The following SOS2 variants were observed in gnomAD, a reference collection of about 807,000 sequenced individuals.
SOS2 encodes SOS Ras/Rho guanine nucleotide exchange factor 2.
SOS2 carries 65 observed loss-of-function variants against 148.2 expected under a neutral mutation model. The ratio of observed to expected loss-of-function variants is 0.44; its 90% confidence interval spans 0.36 to 0.54. SOS2 has a LOEUF of 0.54. SOS2 is among the 20% of genes least tolerant of loss of function. The pLI is 0.00. For missense variants in SOS2, 1,341 were observed against 1,590.2 expected (o/e 0.84, Z 2.67); for synonymous variants, 539 against 537.1 (o/e 1.00, Z -0.05).
chr14:50,159,107 G>A (rs544519060), intron 10 of SOS2, among the ~76,000 whole-genome samples: 3 of 151,930 alleles, frequency 2.0e-5, no homozygotes, highest in Non-Finnish European at 2.9e-5. Flanking sequence ...GGAGAATGGC[G>A]TGAACCCAGG....
In SOS2 at chr14:50,145,551, T is replaced by A. The variant is rs1048519981; in HGVS notation, c.2430A>T (p.Glu810Asp). Residue 810 changes from glutamate (E) to aspartate (D), a missense_variant, in exon 15 of 23, where the codon GAA becomes GAT. Around this residue, in one of 4 missense-constraint regions of SOS2, gnomAD observed 408 missense variants for 506.6 expected, o/e 0.81. Coordinates refer to ENST00000216373, the MANE Select transcript of SOS2 (RefSeq NM_006939.4). ...SELVGSVWTK[E>D]DKEINSPNLL... ...AATTTGGAGAATTTATTTCTTTATC[T>A]TCTTTGGTCCACACACTCCCTACAA... 1 of 1,610,966 alleles carries A rather than the reference T, an allele frequency of 6.2e-7. No homozygotes were observed. Among genetic ancestry groups the A allele is most frequent in the African/African-American group, 1.3e-5 (1 of 74,792 alleles).
chr14:50,135,642 CTTTTT>C (rs56043962), intron 18 of SOS2, among the ~76,000 whole-genome samples: 1 of 82,566 alleles, frequency 1.2e-5, no homozygotes, highest in Non-Finnish European at 2.2e-5. Context: ...ATGTGGTTTG[CTTTTT>C]TTTTTTTTTT....
chr14:50,161,295 CAAA>C (rs113097888), intron 9 of SOS2, among the ~76,000 whole-genome samples, 184 bp downstream of exon 9: 3 of 85,116 alleles, frequency 3.5e-5, no homozygotes, highest in Admixed American at 1.3e-4. Flanking sequence ...GACTCCTTCT[CAAA>C]AAAAAAAAAA....
Position 50,138,190 on chromosome 14 carries a change from T to G in SOS2, c.2958+422A>C, listed in dbSNP as rs111341825. Among the ~76,000 whole-genome samples the G allele has an allele frequency of 2.6e-3, 390 of 151,756 alleles. 2 individuals are homozygous for G. Among genetic ancestry groups the G allele is most frequent in the African/African-American group, 8.7e-3 (361 of 41,310 alleles). ...TATTATTTTGAGACAGAAGTCTTAC[T>G]GTGTCACCCAGGCTGGAGTGCAGTG... On this transcript the variant is annotated intron_variant, in intron 18 of 22. Transcript: ENST00000216373.
Position 50,117,694 on chromosome 14 carries a change from C to T in SOS2, c.*650G>A, listed in dbSNP as rs1250047873. The T allele has an allele frequency of 6.6e-6, 1 of 152,248 alleles. No homozygotes were observed. The highest frequency in any genetic ancestry group is 2.4e-5 in the African/African-American group (1 of 41,464). 9.4% of individuals were successfully genotyped at this position (152,248 alleles called of 1,614,324 possible). On this transcript the variant is annotated 3_prime_UTR_variant, in exon 23 of 23. Coordinates refer to ENST00000216373, the MANE Select transcript of SOS2 (RefSeq NM_006939.4). ...ACAAAAGGCACATCTGAATGAGATA[C>T]ATGCCCTTTTTCCCTCCATCATTGG...
chr14:50,204,551 G>T lies in SOS2; in HGVS notation c.88-142C>A, dbSNP rs148637943. 6.5e-3 allele frequency: 3,692 copies of T among 567,450 alleles called. 23 individuals are homozygous for T. Among genetic ancestry groups the T allele is most frequent in the Non-Finnish European group, 8.0e-3 (2,677 of 333,780 alleles). 35.2% of individuals were successfully genotyped at this position (567,450 alleles called of 1,614,324 possible). A position where few individuals can be genotyped will look rare whatever the true frequency, so the allele number is the denominator to read the frequency against. ...CACAAAATGAAGAAAAAAACTATTT[G>T]TTGGTCTCTGTAAACTTTTCTTAAC... On this transcript the variant is annotated intron_variant, in intron 1 of 22. Coordinates refer to ENST00000216373, the MANE Select transcript of SOS2 (RefSeq NM_006939.4).
intron 1 of SOS2, among the ~76,000 whole-genome samples, chr14:50,227,003 T>C (rs538016567): frequency 1.3e-5 from 2 of 152,326 alleles, no homozygotes; most frequent in South Asian, 2.1e-4. Flanking sequence ...AAGGCAATTA[T>C]GTTCTAGGCT....
chr14:50,163,813 T>C (rs923395945), intron 8 of SOS2, among the ~76,000 whole-genome samples: 1 of 152,240 alleles, frequency 6.6e-6, no homozygotes, highest in African/African-American at 2.4e-5. Flanking sequence ...TTTATCCAAA[T>C]ATCTAAATTA....
intron 21 of SOS2, among the ~76,000 whole-genome samples, chr14:50,124,050 T>C (rs73289765): frequency 6.6e-6 from 1 of 152,122 alleles, no homozygotes; most frequent in South Asian, 2.1e-4. Flanking sequence ...GAGGGGATAA[T>C]AAGAAGCTCA....
intron 4 of SOS2, among the ~76,000 whole-genome samples, chr14:50,196,263 AAG>A (rs1334274734): frequency 7.2e-5 from 11 of 152,186 alleles, no homozygotes; most frequent in Non-Finnish European, 1.0e-4. Context: ...AAATTGCAAA[AAG>A]AGTAAATTTT....
chr14:50,138,158 C>T (rs550819971), intron 18 of SOS2, among the ~76,000 whole-genome samples: 2 of 145,256 alleles, frequency 1.4e-5, no homozygotes, highest in Admixed American at 1.4e-4. Flanking sequence ...ATAGTTATTA[C>T]TACTATTATT....
At chr14:50,190,929 A>T (rs1282641729) in intron 4 of SOS2, among the ~76,000 whole-genome samples, 1 of 152,198 alleles carries the variant, frequency 6.6e-6, no homozygotes, top group East Asian at 1.9e-4. Flanking sequence ...AAAGGAAGAC[A>T]TAAGACATAA....
chr14:50,191,233 G>A (rs1025211706), intron 4 of SOS2, among the ~76,000 whole-genome samples: 12 of 152,254 alleles, frequency 7.9e-5, no homozygotes, highest in African/African-American at 2.6e-4. Context: ...GGGAGGCCGA[G>A]GCAGGAGGAT....
At chr14:50,190,684 C>T (rs1425607546) in intron 4 of SOS2, among the ~76,000 whole-genome samples, 7 of 152,138 alleles carry the variant, frequency 4.6e-5, no homozygotes, top group Admixed American at 4.6e-4. Flanking sequence ...TGCATAAAAT[C>T]CTAACTTCTT....
chr14:50,197,327 C>G (rs750047403), intron 4 of SOS2, among the ~76,000 whole-genome samples: 2 of 152,098 alleles, frequency 1.3e-5, no homozygotes, highest in Non-Finnish European at 2.9e-5. Context: ...AGATGAAAAG[C>G]CTGGCAGATA....
rs113935614 is a variant in SOS2, at chr14:50,192,375, C to T, written c.511-3675G>A. The stretch of plus-strand genomic sequence containing the variant: ...TTCAAGACCAGCCTGCCCAACATGG[C>T]GAAACCCTGTCTCTACTAAAAGTAC... On this transcript the variant is annotated intron_variant, in intron 4 of 22. Transcript: ENST00000216373. Among the ~76,000 whole-genome samples, 740 of 151,718 alleles carry T rather than the reference C, an allele frequency of 4.9e-3. 7 individuals carry two copies. Among genetic ancestry groups the T allele is most frequent in the African/African-American group, 0.017 (702 of 41,366 alleles).
chr14:50,178,103 G>T (rs909057054), intron 7 of SOS2, among the ~76,000 whole-genome samples: 1 of 152,212 alleles, frequency 6.6e-6, no homozygotes, highest in African/African-American at 2.4e-5. Flanking sequence ...TTGGGAACAT[G>T]TAGTATCACA....
At chr14:50,182,095 T>A (rs1173158413) in intron 6 of SOS2, among the ~76,000 whole-genome samples, 7 of 151,954 alleles carry the variant, frequency 4.6e-5, no homozygotes, top group African/African-American at 1.7e-4. Flanking sequence ...ATAAAGAAAG[T>A]GTCACTATAT....
intron 18 of SOS2, among the ~76,000 whole-genome samples, chr14:50,136,812 ACTC>A (rs752348130): frequency 3.3e-5 from 5 of 150,676 alleles, no homozygotes; most frequent in Non-Finnish European, 7.4e-5. Flanking sequence ...CTGGTCTTGA[ACTC>A]CTGACCTCAG....
Sources: allele counts gnomAD v4.1 joint callset (sites outside exome capture counted in the v4.1 genomes callset), GRCh38; gene constraint gnomAD v4.1.1; regional missense constraint gnomAD v4.1.1; transcripts MANE v1.5; gene names NCBI Gene and HGNC (gene_info 2026-07-23, HGNC 2026-07-21).